Variants in CRPPA observed in about 807,000 individuals in gnomAD.
CRPPA encodes the protein D-ribitol-5-phosphate cytidylyltransferase.
Under a neutral mutation model 52.0 loss-of-function variants are expected in CRPPA, and 43 were observed. The observed-to-expected ratio is 0.83, with a 90% CI of 0.65 to 1.07. The LOEUF is 1.07. Ranked by LOEUF, CRPPA falls within the 50% of genes least tolerant of loss-of-function variation. CRPPA has a pLI of 0.00. For synonymous variants in CRPPA, 250 were observed against 203.5 expected, an observed-to-expected ratio of 1.23 and a Z score of -1.94; for missense variants, 629 against 551.7, an observed-to-expected ratio of 1.14 and a Z score of -1.40.
chr7:16,283,523 G>GTA (rs919709837), intron 5 of CRPPA, among the ~76,000 whole-genome samples: 15 of 149,390 alleles, frequency 1.0e-4, no homozygotes, highest in East Asian at 9.8e-4. Flanking sequence ...CTATCTATGT[G>GTA]TATATATATA....
intron 9 of CRPPA, among the ~76,000 whole-genome samples, chr7:16,173,458 G>T (rs1781234762): frequency 1.3e-5 from 2 of 152,082 alleles, no homozygotes; most frequent in South Asian, 4.1e-4. Context: ...TATAAGAAAG[G>T]AAAATGAAAT....
chr7:16,367,301 T>A (rs116248016), intron 3 of CRPPA, among the ~76,000 whole-genome samples: 1 of 152,026 alleles, frequency 6.6e-6, no homozygotes, highest in Non-Finnish European at 1.5e-5. Context: ...TATCTGCAAA[T>A]CCAATCCAGG....
intron 4 of CRPPA, 103 bp from the exon 5 acceptor site, chr7:16,301,569 A>C: frequency 1.3e-6 from 1 of 741,170 alleles, no homozygotes; most frequent in Non-Finnish European, 2.4e-6. Context: ...AGAAGCTATA[A>C]ACATGTAATA....
intron 5 of CRPPA, among the ~76,000 whole-genome samples, chr7:16,298,322 T>G (rs117624715): frequency 6.6e-6 from 1 of 152,126 alleles, no homozygotes; most frequent in Non-Finnish European, 1.5e-5. Context: ...TTGTACAATC[T>G]CTATTTAAGG....
At chr7:16,167,269 C>T (rs1781088404) in intron 9 of CRPPA, among the ~76,000 whole-genome samples, 1 of 152,152 alleles carries the variant, frequency 6.6e-6, no homozygotes, top group African/African-American at 2.4e-5. Context: ...ATTTGTAAGG[C>T]CATAACACAA....
At chr7:16,339,593 T>G (rs1056283499) in intron 3 of CRPPA, among the ~76,000 whole-genome samples, 1 of 152,218 alleles carries the variant, frequency 6.6e-6, no homozygotes, top group Admixed American at 6.5e-5. Context: ...ATCATCATTC[T>G]TAATGGTGAG....
chr7:16,164,892 G>A (rs1401908684), intron 9 of CRPPA, among the ~76,000 whole-genome samples: 5 of 152,078 alleles, frequency 3.3e-5, no homozygotes, highest in Non-Finnish European at 1.5e-5. Context: ...TCTTCCCAGA[G>A]GGGCACCTGC....
intron 9 of CRPPA, among the ~76,000 whole-genome samples, chr7:16,123,882 ATTCATCCTAT>A (rs1324962686): frequency 2.0e-5 from 3 of 152,198 alleles, no homozygotes; most frequent in Non-Finnish European, 4.4e-5. Flanking sequence ...CTTAAACAAC[ATTCATCCTAT>A]TTCTTAATTG....
At chr7:16,353,240 T>C (rs1786204019) in intron 3 of CRPPA, among the ~76,000 whole-genome samples, 1 of 151,862 alleles carries the variant, frequency 6.6e-6, no homozygotes, top group Non-Finnish European at 1.5e-5. Context: ...GTGGTCCGAG[T>C]TACTCAGGAG....
chr7:16,129,891 T>C (rs1782649853), intron 9 of CRPPA, among the ~76,000 whole-genome samples: 1 of 152,220 alleles, frequency 6.6e-6, no homozygotes, highest in Non-Finnish European at 1.5e-5. Flanking sequence ...TTTCTATTTA[T>C]GGGTTCCAAC....
intron 3 of CRPPA, among the ~76,000 whole-genome samples, chr7:16,320,434 A>G (rs951181894): frequency 6.6e-6 from 1 of 152,128 alleles, no homozygotes; most frequent in Non-Finnish European, 1.5e-5. Flanking sequence ...CAACTTTCAG[A>G]GGTTTTATAA....
At chr7:16,168,850 C>A (rs1315058436) in intron 9 of CRPPA, among the ~76,000 whole-genome samples, 1 of 152,154 alleles carries the variant, frequency 6.6e-6, no homozygotes, top group Non-Finnish European at 1.5e-5. Context: ...AAAGTAAAGT[C>A]TCTCAACAAA....
intron 3 of CRPPA, among the ~76,000 whole-genome samples, chr7:16,370,012 G>C (rs1013414246): frequency 1.9e-4 from 29 of 152,204 alleles, no homozygotes; most frequent in African/African-American, 7.0e-4. Context: ...TTAGGGAGTG[G>C]TGTGAAATAT....
At chr7:16,164,898 C>A (rs1340415725) in intron 9 of CRPPA, among the ~76,000 whole-genome samples, 2 of 152,056 alleles carry the variant, frequency 1.3e-5, no homozygotes, top group South Asian at 2.1e-4. Flanking sequence ...CAGAGGGGCA[C>A]CTGCCAGATG....
chr7:16,216,401 A>AT (rs1011737129), intron 8 of CRPPA: 9 of 381,248 alleles, frequency 2.4e-5, no homozygotes, highest in Admixed American at 4.5e-5. Flanking sequence ...AAACACTCAG[A>AT]GAAAACGAGG....
chr7:16,268,781 G>A (rs932952550), intron 6 of CRPPA: 2 of 152,012 alleles, frequency 1.3e-5, no homozygotes, highest in African/African-American at 4.8e-5. Context: ...ATTGCTTATG[G>A]CTTATTTTCT....
intron 8 of CRPPA, among the ~76,000 whole-genome samples, chr7:16,249,154 C>T (rs1170758139): frequency 6.6e-6 from 1 of 152,114 alleles, no homozygotes; most frequent in Non-Finnish European, 1.5e-5. Context: ...AGGCTGACCG[C>T]CTCTCTAGAT....
intron 8 of CRPPA, among the ~76,000 whole-genome samples, chr7:16,229,100 C>T (rs1355934208): frequency 6.6e-6 from 1 of 151,900 alleles, no homozygotes; most frequent in African/African-American, 2.4e-5. Context: ...ACAGCTACTC[C>T]TACTTTTTTG....
intron 9 of CRPPA, among the ~76,000 whole-genome samples, chr7:16,206,567 C>T (rs943221240): frequency 6.6e-6 from 1 of 151,700 alleles, no homozygotes; most frequent in African/African-American, 2.4e-5. Flanking sequence ...AATTCTGAAC[C>T]TTTTTTTAAA....
Sources: allele counts gnomAD v4.1 joint callset (sites outside exome capture counted in the v4.1 genomes callset), GRCh38; gene constraint gnomAD v4.1.1; transcripts MANE v1.5; gene names NCBI Gene and HGNC (gene_info 2026-07-23, HGNC 2026-07-21).